ASAP1: variants seen among roughly 807,000 people sequenced by gnomAD.
ASAP1 encodes the protein ArfGAP with SH3 domain, ankyrin repeat and PH domain 1, also known as arf-GAP with SH3 domain, ANK repeat and PH domain-containing protein 1.
In ASAP1, 43 loss-of-function variants were observed where a neutral mutation model predicts 145.2. That is an observed-to-expected ratio of 0.30 (90% CI 0.23 to 0.38). The LOEUF (loss-of-function observed/expected upper bound fraction) is 0.38, where lower values mean the gene tolerates loss of function less well. Ranked by LOEUF, ASAP1 falls within the 10% of genes least tolerant of loss-of-function variation. The pLI is 1.00. For missense variants in ASAP1, 1,018 were observed against 1,355.3 expected, an observed-to-expected ratio of 0.75 and a Z score of 3.91; for synonymous variants, 546 against 515.5, an observed-to-expected ratio of 1.06 and a Z score of -0.80.
chr8:130,268,169 ATAT>A (rs1204121279), intron 3 of ASAP1, among the ~76,000 whole-genome samples: 2 of 152,120 alleles, frequency 1.3e-5, no homozygotes, highest in Admixed American at 1.3e-4. Context: ...CTATATGATG[ATAT>A]TATTATGTGG....
intron 2 of ASAP1, among the ~76,000 whole-genome samples, chr8:130,397,018 G>A (rs1828560116): frequency 6.6e-6 from 1 of 152,194 alleles, no homozygotes; most frequent in African/African-American, 2.4e-5. Flanking sequence ...TATTTGGGGT[G>A]AATAAAGGAA....
chr8:130,371,153 G>A (rs996473157), intron 2 of ASAP1, among the ~76,000 whole-genome samples: 2 of 152,132 alleles, frequency 1.3e-5, no homozygotes, highest in African/African-American at 4.8e-5. Context: ...CTATATACAA[G>A]GCAATTTATT....
At chr8:130,348,115 G>A (rs1031427950) in intron 3 of ASAP1, among the ~76,000 whole-genome samples, 3 of 152,142 alleles carry the variant, frequency 2.0e-5, no homozygotes, top group Non-Finnish European at 4.4e-5. Context: ...TGCGTGCTGG[G>A]TGCTATACCA....
At chr8:130,406,354 TG>T (rs1565289576) in intron 1 of ASAP1, among the ~76,000 whole-genome samples, 1 of 152,202 alleles carries the variant, frequency 6.6e-6, no homozygotes, top group South Asian at 2.1e-4. Context: ...ACAGCTTCCT[TG>T]CCAGATCCTG....
intron 3 of ASAP1, among the ~76,000 whole-genome samples, chr8:130,297,286 T>C (rs1017098389): frequency 2.0e-5 from 3 of 152,222 alleles, no homozygotes; most frequent in Admixed American, 6.5e-5. Context: ...TCAAGTCCCG[T>C]AGTCGGCCCT....
intron 26 of ASAP1, among the ~76,000 whole-genome samples, chr8:130,079,194 C>G (rs1169093887): frequency 6.6e-6 from 1 of 152,054 alleles, no homozygotes; most frequent in East Asian, 1.9e-4. Flanking sequence ...GGCCCTATCT[C>G]AAAAAAAGAG....
At chr8:130,337,509 C>T (rs573881364) in intron 3 of ASAP1, among the ~76,000 whole-genome samples, 4 of 152,202 alleles carry the variant, frequency 2.6e-5, no homozygotes, top group Admixed American at 1.3e-4. Context: ...TAGTCCTCTC[C>T]AAATAATCAA....
chr8:130,073,268 T>C (rs1345151527), intron 27 of ASAP1, among the ~76,000 whole-genome samples: 1 of 151,714 alleles, frequency 6.6e-6, no homozygotes, highest in African/African-American at 2.4e-5. Context: ...TACATGCCTG[T>C]AATCCCAGCT....
chr8:130,249,642 T>C (rs982479212), intron 3 of ASAP1, among the ~76,000 whole-genome samples: 3 of 152,220 alleles, frequency 2.0e-5, no homozygotes, highest in African/African-American at 7.2e-5. Flanking sequence ...CCTGCCAGGT[T>C]ATAATGACAT....
At chr8:130,201,782 A>T (rs1815888248) in intron 5 of ASAP1, among the ~76,000 whole-genome samples, 1 of 152,330 alleles carries the variant, frequency 6.6e-6, no homozygotes. Flanking sequence ...CTTTAATTTC[A>T]TTTCCACGCA....
At chr8:130,317,528 C>T (rs1335588520) in intron 3 of ASAP1, among the ~76,000 whole-genome samples, 1 of 152,136 alleles carries the variant, frequency 6.6e-6, no homozygotes. Flanking sequence ...TCAGAATGAG[C>T]CCACGTCCTC....
intron 3 of ASAP1, among the ~76,000 whole-genome samples, chr8:130,353,356 T>C (rs1826113111): frequency 6.6e-6 from 1 of 152,084 alleles, no homozygotes. Flanking sequence ...TCTTCGAAAG[T>C]ACAGGGAAAA....
At chr8:130,431,990 G>A (rs938038369) in intron 1 of ASAP1, among the ~76,000 whole-genome samples, 1 of 122,826 alleles carries the variant, frequency 8.1e-6, no homozygotes, top group Non-Finnish European at 1.7e-5. Context: ...GGGGAGGAAA[G>A]AAGGAGAGGG....
chr8:130,155,324 A>C (rs1036787589), intron 12 of ASAP1, among the ~76,000 whole-genome samples: 2 of 152,208 alleles, frequency 1.3e-5, no homozygotes, highest in African/African-American at 4.8e-5. Context: ...GAAAGGGAAC[A>C]ATCTTGAGAT....
intron 2 of ASAP1, among the ~76,000 whole-genome samples, chr8:130,359,435 AAAG>A (rs144249791): frequency 2.2e-4 from 33 of 152,078 alleles, no homozygotes; most frequent in African/African-American, 4.6e-4. Context: ...ATTTGGTTTA[AAAG>A]AAGAAGAAGA....
At chr8:130,434,252 T>C (rs1385602585) in intron 1 of ASAP1, among the ~76,000 whole-genome samples, 2 of 152,164 alleles carry the variant, frequency 1.3e-5, no homozygotes, top group Non-Finnish European at 2.9e-5. Context: ...GGAGGATTAC[T>C]TGAACCTGGG....
At chr8:130,268,505 A>ACT (rs1820397204) in intron 3 of ASAP1, among the ~76,000 whole-genome samples, 1 of 140,772 alleles carries the variant, frequency 7.1e-6, no homozygotes, top group African/African-American at 2.5e-5. Flanking sequence ...ACACACACAC[A>ACT]CACACACACA....
chr8:130,351,492 G>A (rs549210715), intron 3 of ASAP1, among the ~76,000 whole-genome samples: 2 of 152,280 alleles, frequency 1.3e-5, no homozygotes, highest in East Asian at 3.9e-4. Context: ...GAATATCTGA[G>A]ACTGGGTAAT....
rs956878510 is a variant in ASAP1, at chr8:130,077,575, C to T, written c.2643-1169G>A. On this transcript the variant is annotated intron_variant, in intron 26 of 29. Coordinates refer to ENST00000518721, the MANE Select transcript of ASAP1 (RefSeq NM_018482.4). ...TTTTTTTTTTTTTTTGAGACACAGTCTTGCTCTGTCACCAGGCTGGAGTGC... is the reference window on the plus strand; with the variant it reads ...TTTTTTTTTTTTTTTGAGACACAGTTTTGCTCTGTCACCAGGCTGGAGTGC... 5.7e-5 allele frequency among the ~76,000 whole-genome samples: 6 copies of T among 105,010 alleles called. No individual in the cohort carries two copies. The South Asian group carries it at 1.7e-3, about 30-fold the overall frequency. The allele number at this position is 105,010 out of a possible 152,430, so 68.9% of individuals were successfully genotyped here. A position where few individuals can be genotyped will look rare whatever the true frequency, so the allele number is the denominator to read the frequency against.
Sources: allele counts gnomAD v4.1 joint callset (sites outside exome capture counted in the v4.1 genomes callset), GRCh38; gene constraint gnomAD v4.1.1; transcripts MANE v1.5; gene names NCBI Gene and HGNC (gene_info 2026-07-23, HGNC 2026-07-21).